The following ABLIM2 variants were observed in gnomAD, a reference collection of about 807,000 sequenced individuals.
ABLIM2 encodes the protein actin binding LIM protein family member 2.
A neutral mutation model predicts 97.7 loss-of-function variants in ABLIM2; 53 were observed. The ratio of observed to expected loss-of-function variants is 0.54; its 90% CI spans 0.44 to 0.68. The LOEUF (loss-of-function observed/expected upper bound fraction) is 0.68. ABLIM2 is among the 30% of genes least tolerant of loss of function. The pLI is 0.00. For synonymous variants in ABLIM2, 361 were observed against 345.8 expected, an observed-to-expected ratio of 1.04 and a Z score of -0.49; for missense variants, 835 against 867.2, an observed-to-expected ratio of 0.96 and a Z score of 0.47.
chr4:8,011,940 C>A (rs1382640497), intron 14 of ABLIM2, among the ~76,000 whole-genome samples: 1 of 152,202 alleles, frequency 6.6e-6, no homozygotes, highest in East Asian at 1.9e-4. Context: ...AACATCCATG[C>A]CAGCCTGTGT....
At chr4:7,995,757 T>C (rs1346240450) in intron 16 of ABLIM2, among the ~76,000 whole-genome samples, 2 of 152,028 alleles carry the variant, frequency 1.3e-5, no homozygotes, top group Admixed American at 6.5e-5. Context: ...AACCCCGATA[T>C]GCAAAACAGG....
rs762441685 is a variant in ABLIM2 at position 8,097,433 on chromosome 4, C to T, written c.155-151G>A. 7.9e-5 allele frequency among the ~76,000 whole-genome samples: 12 copies of T among 152,188 alleles called. No homozygotes were observed. The South Asian group carries it at 8.3e-4, about 11-fold the overall frequency. ...CACTTGGGGTGGCTTGCTCAACTCT[C>T]GGCGGGCCGGGCTCCTGGGACAGAC... On this transcript the variant is annotated intron_variant, in intron 2 of 20. Transcript: ENST00000447017.
At chr4:7,979,052 G>C (rs763622521) in intron 20 of ABLIM2, among the ~76,000 whole-genome samples, 1 of 152,212 alleles carries the variant, frequency 6.6e-6, no homozygotes, top group Non-Finnish European at 1.5e-5. Flanking sequence ...CCACCCACCT[G>C]GTGCTGTCTG....
chr4:8,153,858 C>T (rs1714022121), intron 1 of ABLIM2, among the ~76,000 whole-genome samples: 1 of 152,204 alleles, frequency 6.6e-6, no homozygotes, highest in Non-Finnish European at 1.5e-5. Flanking sequence ...CAGATGGGCA[C>T]CGACGGCACT....
Position 8,033,485 on chromosome 4 carries a change from T to A in ABLIM2, c.1047+2664A>T, listed in dbSNP as rs1295806601. Among the ~76,000 whole-genome samples, 1 of 152,216 alleles carries A rather than the reference T, an allele frequency of 6.6e-6. No homozygotes were observed. The highest frequency in any genetic ancestry group is 1.5e-5 in the Non-Finnish European group (1 of 68,034). On this transcript the variant is annotated intron_variant, in intron 10 of 20. Coordinates refer to ENST00000447017, the MANE Select transcript of ABLIM2 (RefSeq NM_001130083.2). The surrounding 1 kb of genome is among the most constrained non-coding windows in gnomAD (Gnocchi z 4.5). Reference sequence around the variant, plus strand: ...CTCAGGCTGCTCCCGGCCATCGGCATAGAGGAAGCTCTGTATGGACACACC... The same window carrying A: ...CTCAGGCTGCTCCCGGCCATCGGCAAAGAGGAAGCTCTGTATGGACACACC...
chr4:8,108,347 C>T lies in ABLIM2; in HGVS notation c.11-1710G>A, dbSNP rs546198452. Among the ~76,000 whole-genome samples, 41 of 152,342 alleles carry T rather than the reference C, an allele frequency of 2.7e-4. No homozygotes were observed. In the South Asian group the frequency reaches 3.3e-3, roughly 12 times the overall value. On this transcript the variant is annotated intron_variant, in intron 1 of 20. Coordinates refer to ENST00000447017, the MANE Select transcript of ABLIM2 (RefSeq NM_001130083.2). ...CCATGCCTTCTGCTCATGCCAAGTT[C>T]ACCCCGAATGATCTCATTGACAGAC...
chr4:8,144,041 A>T (rs1304082649), intron 1 of ABLIM2, among the ~76,000 whole-genome samples: 3 of 152,168 alleles, frequency 2.0e-5, no homozygotes, highest in Admixed American at 1.3e-4. Flanking sequence ...GGGACTTCCC[A>T]GGTCAATGCC....
chr4:8,133,493 C>T (rs1177412166), intron 1 of ABLIM2, among the ~76,000 whole-genome samples: 1 of 152,192 alleles, frequency 6.6e-6, no homozygotes, highest in African/African-American at 2.4e-5. Flanking sequence ...CCTCATGGGC[C>T]CTCCACTCCT....
chr4:8,066,690 G>A (rs904802762), intron 6 of ABLIM2: 10 of 152,108 alleles, frequency 6.6e-5, no homozygotes, highest in Admixed American at 3.3e-4. Context: ...TGGAAAATCC[G>A]GAGCAGGCAA....
In ABLIM2 at chr4:8,022,994, TCTC is replaced by T. The variant is rs565827100; in HGVS notation, c.1268-2694_1268-2692del. ...CTGCCTCCTCTTCCTCTTTTTCCTT[TCTC>T]CTCCTCCTCTTCCTCCTTCACTTTT... On this transcript the variant is annotated intron_variant, in intron 12 of 20. Transcript: ENST00000447017. The surrounding 1 kb of genome is among the most constrained non-coding windows in gnomAD (Gnocchi z 7.8). The T allele has an allele frequency of 1.0e-4, 16 of 153,004 alleles. No homozygotes were observed. The highest frequency in any genetic ancestry group is 3.8e-4 in the East Asian group (2 of 5,330). 9.5% of individuals were successfully genotyped at this position (153,004 alleles called of 1,614,324 possible). A position where few individuals can be genotyped will look rare whatever the true frequency, so the allele number is the denominator to read the frequency against.
At chr4:8,077,405 C>T (rs558397106) in intron 6 of ABLIM2, among the ~76,000 whole-genome samples, 1 of 152,312 alleles carries the variant, frequency 6.6e-6, no homozygotes, top group South Asian at 2.1e-4. Context: ...TGTCAAGAGG[C>T]ACAGAAGAGA....
chr4:7,993,932 G>A lies in ABLIM2; in HGVS notation c.1619-1005C>T, dbSNP rs373858923. Reference sequence around the variant, plus strand: ...AGCTTGCTGGGAGTTTGAGACCTCCGAAGTAACCTCTTCAATACCACGTGA... The same window carrying A: ...AGCTTGCTGGGAGTTTGAGACCTCCAAAGTAACCTCTTCAATACCACGTGA... On this transcript the variant is annotated intron_variant, in intron 16 of 20. Coordinates refer to ENST00000447017, the MANE Select transcript of ABLIM2 (RefSeq NM_001130083.2). 1.2e-4 allele frequency: 61 copies of A among 514,446 alleles called. 1 individual carries two copies. Among genetic ancestry groups the A allele is most frequent in the Admixed American group, 5.3e-4 (27 of 51,056 alleles). The allele number at this position is 514,446 out of a possible 1,614,324, so 31.9% of individuals were successfully genotyped here.
At position 8,149,491 on chromosome 4, in the gene ABLIM2, C is replaced by G. The variant is rs1208220554; in HGVS notation, c.10+9189G>C. On this transcript the variant is annotated intron_variant, in intron 1 of 20. Transcript: ENST00000447017. The surrounding 1 kb of genome is among the most constrained non-coding windows in gnomAD (Gnocchi z 6.4). ...CAGGAAACCCCAGCTTGGTCTGTGT[C>G]CACAGGTTCAGAGGAAGGAGGGAAG... 6.6e-6 allele frequency among the ~76,000 whole-genome samples: 1 copy of G among 151,840 alleles called. No individual in the cohort carries two copies. Among genetic ancestry groups the G allele is most frequent in the Non-Finnish European group, 1.5e-5 (1 of 67,986 alleles).
rs1792812056 is a variant in ABLIM2 at position 8,046,880 on chromosome 4, C to A, written c.823-1639G>T. ...ATGTGGAGGCACAGGGAGAAGGCAG[C>A]ATCTACGAGCCAACGAGGGAGAAAC... On this transcript the variant is annotated intron_variant, in intron 8 of 20. Transcript: ENST00000447017. The surrounding 1 kb of genome is among the most constrained non-coding windows in gnomAD (Gnocchi z 4.4). Among the ~76,000 whole-genome samples the A allele has an allele frequency of 6.6e-6, 1 of 152,180 alleles. No individual in the cohort carries two copies. The highest frequency in any genetic ancestry group is 6.5e-5 in the Admixed American group (1 of 15,276).
chr4:8,141,199 C>A (rs1282893608), intron 1 of ABLIM2, among the ~76,000 whole-genome samples: 1 of 152,124 alleles, frequency 6.6e-6, no homozygotes, highest in Non-Finnish European at 1.5e-5. Context: ...CTCCCCACCC[C>A]CCGGAGCCCT....
chr4:8,012,310 CCCAT>C (rs1243716156), intron 14 of ABLIM2, among the ~76,000 whole-genome samples: 4 of 149,408 alleles, frequency 2.7e-5, no homozygotes, highest in South Asian at 2.2e-4. Flanking sequence ...CCATCCTTCA[CCCAT>C]CCATCCATCC....
At chr4:8,096,997 C>A (rs573557500) in intron 3 of ABLIM2, 102 bp downstream of exon 3, 3 of 1,362,752 alleles carry the variant, frequency 2.2e-6, no homozygotes, top group Non-Finnish European at 3.0e-6. Context: ...ATGCAGAGGG[C>A]GGGTCACGGG....
chr4:8,100,388 C>T (rs1192207424), intron 2 of ABLIM2, among the ~76,000 whole-genome samples: 2 of 152,156 alleles, frequency 1.3e-5, no homozygotes, highest in African/African-American at 4.8e-5. Context: ...CCTCTCTGAA[C>T]CTCAGAGTCC....
In ABLIM2 at chr4:8,140,790, A is replaced by G. The variant is rs1157130977; in HGVS notation, c.10+17890T>C. Among the ~76,000 whole-genome samples, 1 of 152,092 alleles carries G rather than the reference A, an allele frequency of 6.6e-6. No individual in the cohort carries two copies. Among genetic ancestry groups the G allele is most frequent in the Non-Finnish European group, 1.5e-5 (1 of 68,018 alleles). The stretch of plus-strand genomic sequence containing the variant: ...AAAGGGCTGACGATATTCAGAAAAG[A>G]GTGCATTTACCCCAGCTCCTGAGTC... On this transcript the variant is annotated intron_variant, in intron 1 of 20. Transcript: ENST00000447017. The surrounding 1 kb of genome is among the most constrained non-coding windows in gnomAD (Gnocchi z 5.9).
Sources: allele counts gnomAD v4.1 joint callset (sites outside exome capture counted in the v4.1 genomes callset), GRCh38; gene constraint gnomAD v4.1.1; non-coding constraint Gnocchi (gnomAD v3.1); transcripts MANE v1.5; gene names NCBI Gene and HGNC (gene_info 2026-07-23, HGNC 2026-07-21).